Variants in OPHN1 observed in about 807,000 individuals in gnomAD.
OPHN1 encodes oligophrenin 1.
In OPHN1, 11 loss-of-function variants were observed where a neutral mutation model predicts 60.7. That is an observed-to-expected ratio of 0.18 (90% confidence interval 0.11 to 0.30). The LOEUF is 0.30. Ranked by LOEUF, OPHN1 falls within the 10% of genes least tolerant of loss-of-function variation. The pLI is 1.00. For synonymous variants in OPHN1, 226 were observed against 222.6 expected (o/e 1.02, Z -0.14); for missense variants, 449 against 611.0 (o/e 0.73, Z 2.80).
chrX:68,109,763 A>C (rs868415031), intron 18 of OPHN1, among the ~76,000 whole-genome samples: 3 of 111,697 alleles, frequency 2.7e-5, no homozygotes, highest in Middle Eastern at 4.6e-3. Flanking sequence ...TACGTGCTGG[A>C]AAATTGTAAT....
intron 2 of OPHN1, among the ~76,000 whole-genome samples, chrX:68,344,301 A>C (rs1285920338): frequency 3.6e-5 from 4 of 111,862 alleles, no homozygotes; most frequent in Non-Finnish European, 7.5e-5. Flanking sequence ...CCCAACCAAT[A>C]TATATGCAAA....
At chrX:68,213,150 C>T (rs1325788956) in intron 7 of OPHN1, among the ~76,000 whole-genome samples, 2 of 112,065 alleles carry the variant, frequency 1.8e-5, no homozygotes, top group Non-Finnish European at 3.8e-5. Flanking sequence ...AGGGGGATCA[C>T]TTGGGCCCGG....
intron 15 of OPHN1, among the ~76,000 whole-genome samples, chrX:68,180,951 GA>G (rs200334939): frequency 2.7e-5 from 3 of 109,813 alleles, no homozygotes; most frequent in South Asian, 3.9e-4. Context: ...AAAAACTATT[GA>G]AAAAAATATA....
At chrX:68,240,373 ATTTTTGGGGACCAC>A (rs2077774967) in intron 5 of OPHN1, among the ~76,000 whole-genome samples, 1 of 111,668 alleles carries the variant, frequency 9.0e-6, no homozygotes, top group Non-Finnish European at 1.9e-5. Context: ...TAAGGTTAAA[ATTTTTGGGGACCAC>A]TTTTTCTGAG....
intron 3 of OPHN1, among the ~76,000 whole-genome samples, chrX:68,287,181 G>GA (rs1289833790): frequency 1.5e-4 from 14 of 95,984 alleles, no homozygotes; most frequent in Non-Finnish European, 2.7e-4. Flanking sequence ...AAGAAAGAAA[G>GA]AAAGAAAAGG....
chrX:68,228,119 T>C lies in OPHN1; in HGVS notation c.486+6368A>G, dbSNP rs192566081. Among the ~76,000 whole-genome samples the C allele has an allele frequency of 6.0e-3, 668 of 111,555 alleles. 5 individuals carry two copies. The highest frequency in any genetic ancestry group is 0.01 in the Non-Finnish European group (534 of 53,102). On this transcript the variant is annotated intron_variant, in intron 6 of 24. Transcript: ENST00000355520. ...AGAAATATAAGCTACCATCAGAGAA[T>C]ACCATAAACACCTCTACACAAATAA...
intron 6 of OPHN1, among the ~76,000 whole-genome samples, chrX:68,229,430 A>G (rs1239496463): frequency 8.9e-6 from 1 of 111,829 alleles, no homozygotes; most frequent in Non-Finnish European, 1.9e-5. Flanking sequence ...TTCATATGGA[A>G]CCAAAAAAGA....
intron 19 of OPHN1, among the ~76,000 whole-genome samples, chrX:68,086,181 C>CA (rs779219029): frequency 4.5e-4 from 32 of 71,152 alleles, no homozygotes; most frequent in African/African-American, 6.8e-4. Flanking sequence ...ACTCTGTCTC[C>CA]AAAAAAAAAA....
At chrX:68,047,499 T>C (rs1189313208) in intron 24 of OPHN1, among the ~76,000 whole-genome samples, 1 of 111,610 alleles carries the variant, frequency 9.0e-6, no homozygotes, top group African/African-American at 3.3e-5. Flanking sequence ...AACTATAAAC[T>C]TCCTTTTAAC....
chrX:68,071,473 C>G (rs2076934293), intron 20 of OPHN1: 1 of 905,766 alleles, frequency 1.1e-6, no homozygotes, highest in Admixed American at 2.2e-5. Flanking sequence ...TGGGCCTACA[C>G]AGTCTTTCAA....
chrX:68,048,843 A>G (rs937997008), intron 23 of OPHN1, among the ~76,000 whole-genome samples: 29 of 111,475 alleles, frequency 2.6e-4, no homozygotes, highest in African/African-American at 8.5e-4. Flanking sequence ...GACCAAACCA[A>G]CCTTGTCCAG....
chrX:68,128,320 G>T (rs976065040), intron 15 of OPHN1, among the ~76,000 whole-genome samples: 1 of 111,405 alleles, frequency 9.0e-6, no homozygotes, highest in African/African-American at 3.3e-5. Flanking sequence ...TTCACAAAGT[G>T]CTGGGAATAC....
At position 68,259,464 on chromosome X, in the gene OPHN1, T is replaced by C. The variant is rs148302802; in HGVS notation, c.384+15274A>G. 1.2e-3 allele frequency among the ~76,000 whole-genome samples: 132 copies of C among 110,862 alleles called. 1 individual carries two copies. The highest frequency in any genetic ancestry group is 4.1e-3 in the African/African-American group (124 of 30,506). ...AAGCCTTGTCTCAAAAAAAAGATAATTGTTTAAGAAATCATGAGAAAAAAA... is the reference window on the plus strand; with the variant it reads ...AAGCCTTGTCTCAAAAAAAAGATAACTGTTTAAGAAATCATGAGAAAAAAA... On this transcript the variant is annotated intron_variant, in intron 5 of 24. Transcript: ENST00000355520.
At chrX:68,162,567 G>A (rs2077339744) in intron 15 of OPHN1, among the ~76,000 whole-genome samples, 4 of 110,216 alleles carry the variant, frequency 3.6e-5, no homozygotes, top group Non-Finnish European at 7.6e-5. Flanking sequence ...AGTACATACA[G>A]AGTAGGAGGG....
intron 5 of OPHN1, among the ~76,000 whole-genome samples, chrX:68,270,162 C>T (rs1351190458): frequency 9.0e-6 from 1 of 111,038 alleles, no homozygotes; most frequent in Non-Finnish European, 1.9e-5. Flanking sequence ...TAGTTCAACC[C>T]TTGTGGAAGT....
intron 15 of OPHN1, among the ~76,000 whole-genome samples, chrX:68,145,466 C>A (rs758998876): frequency 2.7e-5 from 3 of 111,738 alleles, no homozygotes; most frequent in Non-Finnish European, 5.7e-5. Flanking sequence ...AGTCTGCAGA[C>A]ATGTTTTGAT....
intron 5 of OPHN1, among the ~76,000 whole-genome samples, chrX:68,242,214 CAA>C (rs753856136): frequency 4.2e-5 from 1 of 24,021 alleles, no homozygotes; most frequent in Non-Finnish European, 9.0e-5. Flanking sequence ...CCCATCTCTA[CAA>C]AAAAAAAAAA....
chrX:68,193,851 G>T, intron 14 of OPHN1, 39 bp downstream of exon 14: 1 of 1,085,025 alleles, frequency 9.2e-7, no homozygotes, highest in Non-Finnish European at 1.3e-6. Context: ...TCAGAGTGAC[G>T]AGATTCAGAC....
chrX:68,092,395 CAAAAAAGGTAACTTGATAAGTATTTAATA>C (rs960107343), intron 19 of OPHN1, among the ~76,000 whole-genome samples: 1 of 111,558 alleles, frequency 9.0e-6, no homozygotes, highest in African/African-American at 3.2e-5. Flanking sequence ...TGCTATTTTT[CAAAAAAGGTAACTTGATAAGTATTTAATA>C]AACTGGGATT....
Sources: allele counts gnomAD v4.1 joint callset (sites outside exome capture counted in the v4.1 genomes callset), GRCh38; gene constraint gnomAD v4.1.1; transcripts MANE v1.5; gene names NCBI Gene and HGNC (gene_info 2026-07-23, HGNC 2026-07-21).